Variants in SNX7 observed in about 807,000 individuals in gnomAD.
The protein encoded by SNX7 is sorting nexin-7.
A neutral mutation model predicts 48.4 loss-of-function variants in SNX7; 35 were observed. That is an observed-to-expected ratio of 0.72 (90% CI 0.55 to 0.96). The LOEUF (loss-of-function observed/expected upper bound fraction) is 0.96, where lower values mean the gene tolerates loss of function less well. Ranked by LOEUF, SNX7 falls within the 40% of genes least tolerant of loss-of-function variation. The pLI, the probability that SNX7 is intolerant of heterozygous loss-of-function variation, is 0.00. For missense variants in SNX7, 553 were observed against 548.9 expected, an observed-to-expected ratio of 1.01 and a Z score of -0.07; for synonymous variants, 190 against 190.2, an observed-to-expected ratio of 1.00 and a Z score of 0.01.
At chr1:98,734,988 A>G (rs6656525) in intron 7 of SNX7, among the ~76,000 whole-genome samples, 40,084 of 152,018 alleles carry the variant, frequency 0.26, 5,618 homozygotes, top group Middle Eastern at 0.31. Flanking sequence ...ATTTTGCAGT[A>G]TATGGATTGA....
In SNX7 at chr1:98,694,751, G is replaced by A. The variant is rs1651356173; in HGVS notation, c.640-767G>A. On this transcript the variant is annotated intron_variant, in intron 4 of 8. Coordinates refer to ENST00000306121, the MANE Select transcript of SNX7 (RefSeq NM_015976.5). Reference sequence around the variant, plus strand: ...GCCTCCCAAGTAGCTGGGACTACAGGCACCTGCCACCACGCCAGGCTAATT... The same window carrying A: ...GCCTCCCAAGTAGCTGGGACTACAGACACCTGCCACCACGCCAGGCTAATT... Among the ~76,000 whole-genome samples the A allele has an allele frequency of 1.3e-5, 2 of 151,430 alleles. 1 individual carries two copies. The highest frequency in any genetic ancestry group is 4.2e-4 in the South Asian group (2 of 4,780).
intron 8 of SNX7, among the ~76,000 whole-genome samples, chr1:98,756,194 A>G (rs1237294634): frequency 6.6e-6 from 1 of 151,946 alleles, no homozygotes; most frequent in Admixed American, 6.6e-5. Flanking sequence ...AAGAACCTAC[A>G]AATGTGTTTT....
At chr1:98,664,581 A>AT (rs1348683961) in intron 1 of SNX7, among the ~76,000 whole-genome samples, 1 of 152,214 alleles carries the variant, frequency 6.6e-6, no homozygotes, top group Non-Finnish European at 1.5e-5. Flanking sequence ...ACGTATTACA[A>AT]GTACATGGCA....
intron 3 of SNX7, 67 bp from the exon 4 acceptor site, chr1:98,691,468 G>A: frequency 1.5e-6 from 2 of 1,314,042 alleles, no homozygotes; most frequent in Non-Finnish European, 2.0e-6. Flanking sequence ...AACAGGGAAA[G>A]CGTAGAATTG....
intron 4 of SNX7, among the ~76,000 whole-genome samples, chr1:98,692,548 A>G (rs1403808742): frequency 1.3e-5 from 2 of 152,164 alleles, no homozygotes; most frequent in Non-Finnish European, 2.9e-5. Flanking sequence ...ACTAAACACA[A>G]TAAAAAAAAT....
At chr1:98,738,441 C>A (rs757245151) in intron 8 of SNX7, 52 bp downstream of exon 8, 1 of 1,551,948 alleles carries the variant, frequency 6.4e-7, no homozygotes, top group East Asian at 2.3e-5. Flanking sequence ...TGCTCATTTA[C>A]TTTTGGTCCG....
At chr1:98,745,595 G>A (rs992974376) in intron 8 of SNX7, among the ~76,000 whole-genome samples, 1 of 151,990 alleles carries the variant, frequency 6.6e-6, no homozygotes, top group Non-Finnish European at 1.5e-5. Context: ...TTACATGTAG[G>A]CTATATTTCT....
chr1:98,717,974 G>C (rs777974998), intron 7 of SNX7, among the ~76,000 whole-genome samples: 1 of 152,068 alleles, frequency 6.6e-6, no homozygotes, highest in Non-Finnish European at 1.5e-5. Context: ...TGCATTTAAA[G>C]AGCTGTTGCA....
intron 8 of SNX7, among the ~76,000 whole-genome samples, chr1:98,747,446 A>G (rs1051787571): frequency 2.6e-5 from 4 of 152,184 alleles, no homozygotes; most frequent in Admixed American, 2.0e-4. Flanking sequence ...AATTCTATGG[A>G]ACAATTCAAA....
At chr1:98,733,289 C>T (rs66523281) in intron 7 of SNX7, among the ~76,000 whole-genome samples, 42,025 of 152,012 alleles carry the variant, frequency 0.28, 6,134 homozygotes, top group Middle Eastern at 0.31. Flanking sequence ...TCAGTGCCCA[C>T]CATCTAGATC....
At chr1:98,755,088 A>T (rs886721858) in intron 8 of SNX7, among the ~76,000 whole-genome samples, 1 of 152,044 alleles carries the variant, frequency 6.6e-6, no homozygotes, top group Admixed American at 6.5e-5. Flanking sequence ...TCCTGTTTAG[A>T]TTTCAAATAT....
chr1:98,678,121 G>GGAA, intron 1 of SNX7, among the ~76,000 whole-genome samples: 1 of 152,150 alleles, frequency 6.6e-6, no homozygotes, highest in East Asian at 1.9e-4. Flanking sequence ...ATGCTGTACA[G>GGAA]GAAGCATGGT....
At chr1:98,752,291 T>TA (rs1476099621) in intron 8 of SNX7, among the ~76,000 whole-genome samples, 7 of 152,070 alleles carry the variant, frequency 4.6e-5, no homozygotes, top group Non-Finnish European at 8.8e-5. Context: ...TTAAGGAGCC[T>TA]TAGAGATCAT....
chr1:98,692,017 G>A (rs1035096164), intron 4 of SNX7, among the ~76,000 whole-genome samples: 25 of 149,336 alleles, frequency 1.7e-4, no homozygotes, highest in Non-Finnish European at 2.7e-4. Context: ...ATACTGAACA[G>A]GTATAAATAT....
chr1:98,749,222 T>C (rs867196549), intron 8 of SNX7, among the ~76,000 whole-genome samples: 25 of 152,186 alleles, frequency 1.6e-4, no homozygotes, highest in African/African-American at 5.8e-4. Flanking sequence ...AATTTCCCCA[T>C]GTATAAAAAT....
chr1:98,742,092 G>A (rs916789717), intron 8 of SNX7, among the ~76,000 whole-genome samples: 9 of 152,130 alleles, frequency 5.9e-5, no homozygotes, highest in African/African-American at 2.2e-4. Context: ...CATTTACCCA[G>A]TCCAGTGAAA....
intron 8 of SNX7, among the ~76,000 whole-genome samples, chr1:98,751,426 G>C (rs2101054192): frequency 6.6e-6 from 1 of 152,134 alleles, no homozygotes; most frequent in South Asian, 2.1e-4. Context: ...TTTTCAGCCT[G>C]TGTGTAGAAA....
chr1:98,752,267 A>ATAT (rs1294249821), intron 8 of SNX7, among the ~76,000 whole-genome samples: 7 of 152,016 alleles, frequency 4.6e-5, no homozygotes, highest in Non-Finnish European at 8.8e-5. Context: ...TTTCGTACTC[A>ATAT]AGAGCAAAGA....
intron 2 of SNX7, among the ~76,000 whole-genome samples, chr1:98,686,137 T>G (rs939517497): frequency 6.6e-6 from 1 of 152,280 alleles, no homozygotes; most frequent in East Asian, 1.9e-4. Context: ...TCATGCTTAG[T>G]TTTCAATATA....
Sources: gnomAD v4.1 joint callset for allele counts (sites outside exome capture counted in the v4.1 genomes callset) on GRCh38, gnomAD v4.1.1 for gene constraint, MANE v1.5 for transcripts, NCBI Gene and HGNC (gene_info 2026-07-23, HGNC 2026-07-21) for gene names.